The following AGBL3 variants were observed in gnomAD, a reference collection of about 807,000 sequenced individuals.
AGBL3 encodes the protein cytosolic carboxypeptidase 3.
AGBL3 carries 68 observed loss-of-function variants against 94.5 expected under a neutral mutation model. The ratio of observed to expected loss-of-function variants is 0.72; its 90% confidence interval spans 0.59 to 0.88. AGBL3 has a LOEUF of 0.88. Ranked by LOEUF, AGBL3 falls within the 40% of genes least tolerant of loss-of-function variation. The probability of loss-of-function intolerance (pLI) is 0.00; values close to 1 mark genes in which losing one functional copy is unlikely to be tolerated. For missense variants in AGBL3, 934 were observed against 1,103.8 expected (o/e 0.85, Z 2.18); for synonymous variants, 354 against 370.7 (o/e 0.95, Z 0.52).
intron 16 of AGBL3, among the ~76,000 whole-genome samples, chr7:135,127,210 A>G (rs529457376): frequency 6.6e-6 from 1 of 151,840 alleles, no homozygotes; most frequent in African/African-American, 2.4e-5. Flanking sequence ...TGGGCAAAGG[A>G]TATGAAGACG....
At chr7:135,111,417 T>C (rs1825622998) in intron 15 of AGBL3, among the ~76,000 whole-genome samples, 1 of 152,210 alleles carries the variant, frequency 6.6e-6, no homozygotes. Context: ...CTAACTTCTC[T>C]ACTGGTGATT....
intron 11 of AGBL3, among the ~76,000 whole-genome samples, chr7:135,048,736 G>C (rs1306282226): frequency 2.1e-5 from 3 of 144,450 alleles, no homozygotes; most frequent in Non-Finnish European, 4.6e-5. Flanking sequence ...TGAGTTTATT[G>C]ATTAGTTCTC....
intron 16 of AGBL3, among the ~76,000 whole-genome samples, chr7:135,126,941 T>C (rs1210717009): frequency 6.6e-6 from 1 of 152,130 alleles, no homozygotes; most frequent in Non-Finnish European, 1.5e-5. Context: ...GGCAATACCA[T>C]TCAGGACATA....
chr7:135,060,677 A>C (rs1412077776), intron 12 of AGBL3, among the ~76,000 whole-genome samples: 1 of 152,032 alleles, frequency 6.6e-6, no homozygotes, highest in Non-Finnish European at 1.5e-5. Flanking sequence ...GGCTTATCTC[A>C]CTTAACGCAA....
chr7:134,995,926 ATCT>A lies in AGBL3; in HGVS notation c.310+2252_310+2254del, dbSNP rs567797935. 2.3e-3 allele frequency among the ~76,000 whole-genome samples: 353 copies of A among 152,258 alleles called. 1 individual carries two copies. Among genetic ancestry groups the A allele is most frequent in the African/African-American group, 7.8e-3 (324 of 41,558 alleles). ...ACATCCTTGTGTAGGAAGAATCAAA[ATCT>A]TCTCCCACATGTGTCCTTGATGGCT... On this transcript the variant is annotated intron_variant, in intron 4 of 16. Transcript: ENST00000436302.
chr7:135,036,737 T>A (rs1056971983), intron 7 of AGBL3, among the ~76,000 whole-genome samples: 3 of 152,154 alleles, frequency 2.0e-5, no homozygotes, highest in Non-Finnish European at 4.4e-5. Flanking sequence ...TATTGAAGGA[T>A]GGCAGGTAGT....
At chr7:134,988,113 T>C in intron 2 of AGBL3, 117 bp downstream of exon 2, 1 of 804,928 alleles carries the variant, frequency 1.2e-6, no homozygotes, top group Admixed American at 3.3e-5. Flanking sequence ...TAAATTATTG[T>C]CATTGAAGTT....
intron 15 of AGBL3, among the ~76,000 whole-genome samples, chr7:135,107,580 G>A (rs1824932635): frequency 6.6e-6 from 1 of 152,096 alleles, no homozygotes; most frequent in African/African-American, 2.4e-5. Context: ...ATCTAGGAGT[G>A]TGTTGGTTAT....
At chr7:135,017,017 G>A (rs1474693665) in intron 4 of AGBL3, 35 bp from the exon 5 acceptor site, 1 of 1,325,790 alleles carries the variant, frequency 7.5e-7, no homozygotes, top group African/African-American at 1.5e-5. Flanking sequence ...TTATTTTGAA[G>A]TCATCTTCAA....
intron 15 of AGBL3, among the ~76,000 whole-genome samples, chr7:135,104,641 T>A (rs918464546): frequency 6.6e-6 from 1 of 152,240 alleles, no homozygotes. Context: ...TGAGATGGTA[T>A]CTCATTGTGG....
intron 15 of AGBL3, among the ~76,000 whole-genome samples, chr7:135,101,966 C>T (rs754067122): frequency 2.0e-5 from 3 of 152,154 alleles, no homozygotes; most frequent in South Asian, 4.1e-4. Flanking sequence ...TTTCCGCTTT[C>T]GCTTTGCTCT....
At chr7:135,022,445 G>T (rs945753378) in intron 5 of AGBL3, among the ~76,000 whole-genome samples, 9 of 151,706 alleles carry the variant, frequency 5.9e-5, no homozygotes, top group Admixed American at 5.9e-4. Flanking sequence ...TCATATGTTT[G>T]TTGGCCACAT....
rs138111308 is a variant in AGBL3, at chr7:134,996,757, G to C, written c.310+3079G>C. Reference sequence around the variant, plus strand: ...TATGTGTGGCCTAATGCATATATACGTACATATTTTGGGGGTACATTCCCA... The same window carrying C: ...TATGTGTGGCCTAATGCATATATACCTACATATTTTGGGGGTACATTCCCA... On this transcript the variant is annotated intron_variant, in intron 4 of 16. Coordinates refer to ENST00000436302, the MANE Select transcript of AGBL3 (RefSeq NM_178563.4). Among the ~76,000 whole-genome samples the C allele has an allele frequency of 2.6e-5, 4 of 152,180 alleles. No homozygotes were observed. In the East Asian group the frequency reaches 7.7e-4, roughly 29 times the overall value.
In AGBL3 at chr7:135,037,513, G is replaced by A. The variant is rs758190037; in HGVS notation, c.1433G>A (p.Arg478Lys). Reference protein sequence around the residue: ...IFMYGCDGSDRSKTLYLQQRI... With the variant: ...IFMYGCDGSDKSKTLYLQQRI... Reference sequence around the variant, plus strand: ...ATGTATGGCTGTGATGGTAGTGACAGATCTAAGACATTATACTTACAGCAA... The same window carrying A: ...ATGTATGGCTGTGATGGTAGTGACAAATCTAAGACATTATACTTACAGCAA... The change falls in exon 8 of 17, where the codon AGA (arginine) becomes AAA (lysine). Residue 478 changes from arginine to lysine, a missense_variant. Around this residue, in one of 3 missense-constraint regions of AGBL3, gnomAD observed 441 missense variants for 518.2 expected, o/e 0.85. Transcript: ENST00000436302. 4 of 1,548,926 alleles carry A rather than the reference G, an allele frequency of 2.6e-6. No homozygotes were observed. The highest frequency in any genetic ancestry group is 3.5e-6 in the Non-Finnish European group (4 of 1,145,618).
intron 4 of AGBL3, among the ~76,000 whole-genome samples, chr7:135,005,415 A>G (rs1812262790): frequency 6.6e-6 from 1 of 151,738 alleles, no homozygotes. Flanking sequence ...CATGTATAAG[A>G]CTTGCATTCT....
At chr7:135,041,286 G>A (rs1563209107) in intron 8 of AGBL3, among the ~76,000 whole-genome samples, 1 of 152,080 alleles carries the variant, frequency 6.6e-6, no homozygotes, top group Non-Finnish European at 1.5e-5. Context: ...GATGGATAAG[G>A]AAATGCAAAG....
chr7:134,998,418 A>G (rs1489040531), intron 4 of AGBL3, among the ~76,000 whole-genome samples: 2 of 151,986 alleles, frequency 1.3e-5, no homozygotes, highest in Non-Finnish European at 2.9e-5. Context: ...GTAATACTAG[A>G]TTTTCCTCAT....
intron 15 of AGBL3, among the ~76,000 whole-genome samples, chr7:135,100,541 C>A (rs1458282900): frequency 6.6e-6 from 1 of 152,138 alleles, no homozygotes; most frequent in East Asian, 1.9e-4. Context: ...TCCTCTCTTC[C>A]TTCCTGGCTT....
At chr7:135,103,992 T>C (rs1305060214) in intron 15 of AGBL3, among the ~76,000 whole-genome samples, 3 of 152,176 alleles carry the variant, frequency 2.0e-5, no homozygotes, top group Non-Finnish European at 2.9e-5. Context: ...GGTAAACTTA[T>C]GTCATGGGGT....
Sources: allele counts gnomAD v4.1 joint callset (sites outside exome capture counted in the v4.1 genomes callset), GRCh38; gene constraint gnomAD v4.1.1; regional missense constraint gnomAD v4.1.1; transcripts MANE v1.5; gene names NCBI Gene and HGNC (gene_info 2026-07-23, HGNC 2026-07-21).